The following FHIT variants were observed in gnomAD, a reference collection of about 807,000 sequenced individuals.
The protein encoded by FHIT is fragile histidine triad diadenosine triphosphatase.
A neutral mutation model predicts 17.9 loss-of-function variants in FHIT; 19 were observed. The ratio of observed to expected loss-of-function variants is 1.06; its 90% CI spans 0.74 to 1.56. The LOEUF (loss-of-function observed/expected upper bound fraction) is 1.56. FHIT is among the 40% of genes most tolerant of loss of function. FHIT has a pLI of 0.00. For synonymous variants in FHIT, 81 were observed against 69.7 expected, an observed-to-expected ratio of 1.16 and a Z score of -0.81; for missense variants, 248 against 189.2, an observed-to-expected ratio of 1.31 and a Z score of -1.82.
At chr3:60,605,268 A>C (rs2038573604) in intron 4 of FHIT, among the ~76,000 whole-genome samples, 1 of 152,176 alleles carries the variant, frequency 6.6e-6, no homozygotes, top group African/African-American at 2.4e-5. Context: ...AAATCACTGC[A>C]ATAAAAGTGA....
chr3:61,040,037 C>T (rs945116013), intron 3 of FHIT, among the ~76,000 whole-genome samples: 3 of 152,142 alleles, frequency 2.0e-5, no homozygotes, highest in African/African-American at 4.8e-5. Flanking sequence ...GGGTCTCAAT[C>T]ATGGTGAATA....
rs563536715 is a variant in FHIT at position 60,390,521 on chromosome 3, C to T, written c.103+146339G>A. Among the ~76,000 whole-genome samples the T allele has an allele frequency of 2.2e-4, 33 of 148,764 alleles. No individual in the cohort carries two copies. The South Asian group carries it at 5.1e-3, about 23-fold the overall frequency. The stretch of plus-strand genomic sequence containing the variant: ...ATAAAAGAGAAATAAAAATGTAAAA[C>T]GGCCTCAGGCAAGTCCTTCAGGAGT... On this transcript the variant is annotated intron_variant, in intron 5 of 9. Coordinates refer to ENST00000492590, the MANE Select transcript of FHIT (RefSeq NM_002012.4).
chr3:59,972,541 G>C (rs578043087), intron 7 of FHIT, among the ~76,000 whole-genome samples: 8 of 152,166 alleles, frequency 5.3e-5, no homozygotes, highest in African/African-American at 1.4e-4. Context: ...CATTCCTCCA[G>C]TGTCACCTGT....
chr3:60,411,131 TAGAACGATCTA>T (rs1029753030), intron 5 of FHIT, among the ~76,000 whole-genome samples: 12 of 152,170 alleles, frequency 7.9e-5, no homozygotes, highest in Non-Finnish European at 1.6e-4. Flanking sequence ...TGCACCATCA[TAGAACGATCTA>T]AGATTCAAGC....
chr3:60,712,823 T>G (rs560197233), intron 4 of FHIT, among the ~76,000 whole-genome samples: 104 of 142,136 alleles, frequency 7.3e-4, no homozygotes, highest in African/African-American at 2.4e-3. Context: ...CACACAATAA[T>G]AATGGGAGAC....
At chr3:60,512,117 AC>A (rs2107545500) in intron 5 of FHIT, among the ~76,000 whole-genome samples, 1 of 152,350 alleles carries the variant, frequency 6.6e-6, no homozygotes, top group East Asian at 1.9e-4. Flanking sequence ...AGAATCACCA[AC>A]AAATGCTAAA....
intron 2 of FHIT, among the ~76,000 whole-genome samples, chr3:61,130,651 G>A (rs1471744335): frequency 6.6e-6 from 1 of 152,178 alleles, no homozygotes; most frequent in Non-Finnish European, 1.5e-5. Flanking sequence ...ACGAACACAG[G>A]AGCATGCCAC....
intron 5 of FHIT, among the ~76,000 whole-genome samples, chr3:60,156,028 TG>T (rs1449731205): frequency 2.0e-5 from 3 of 152,184 alleles, no homozygotes; most frequent in Non-Finnish European, 2.9e-5. Context: ...AGATTGGAAC[TG>T]TTTCCTAGCT....
chr3:61,188,890 T>C (rs922744450), intron 2 of FHIT, among the ~76,000 whole-genome samples: 3 of 152,060 alleles, frequency 2.0e-5, no homozygotes, highest in Non-Finnish European at 4.4e-5. Flanking sequence ...CAACCCTTCA[T>C]GCTAAAAACT....
chr3:61,027,742 A>G (rs1200300334), intron 3 of FHIT, among the ~76,000 whole-genome samples: 1 of 152,226 alleles, frequency 6.6e-6, no homozygotes. Flanking sequence ...GCAAACATAG[A>G]CTGGCTATGG....
At chr3:60,943,318 A>C (rs1708498622) in intron 3 of FHIT, among the ~76,000 whole-genome samples, 1 of 151,920 alleles carries the variant, frequency 6.6e-6, no homozygotes, top group Non-Finnish European at 1.5e-5. Flanking sequence ...CTCAGGATTA[A>C]CTCTTCCTGG....
chr3:59,917,267 GC>G (rs1228682858), intron 8 of FHIT, among the ~76,000 whole-genome samples: 2 of 152,178 alleles, frequency 1.3e-5, no homozygotes, highest in Non-Finnish European at 2.9e-5. Flanking sequence ...ATTCCCACTT[GC>G]TTTAGTAATA....
intron 7 of FHIT, among the ~76,000 whole-genome samples, chr3:59,970,162 G>GT (rs1708111111): frequency 6.6e-6 from 1 of 152,076 alleles, no homozygotes; most frequent in Non-Finnish European, 1.5e-5. Flanking sequence ...TGAACAGATG[G>GT]TCTTTTCAAG....
At chr3:60,288,674 C>T (rs1707843815) in intron 5 of FHIT, among the ~76,000 whole-genome samples, 1 of 151,010 alleles carries the variant, frequency 6.6e-6, no homozygotes, top group Non-Finnish European at 1.5e-5. Context: ...AGTCTGTGTA[C>T]AACTTCCAAA....
intron 2 of FHIT, among the ~76,000 whole-genome samples, chr3:61,075,219 C>T (rs560273203): frequency 8.5e-5 from 13 of 152,228 alleles, no homozygotes; most frequent in Admixed American, 2.0e-4. Context: ...TCTGCATCAA[C>T]CTTGTGTCGC....
intron 5 of FHIT, among the ~76,000 whole-genome samples, chr3:60,345,146 A>T (rs11717293): frequency 0.15 from 22,529 of 152,194 alleles, 1,760 homozygotes; most frequent in Non-Finnish European, 0.16. Context: ...TGAACAAATT[A>T]CTAAGTGTGT....
chr3:59,945,622 T>G (rs1446166467), intron 7 of FHIT, among the ~76,000 whole-genome samples: 2 of 152,094 alleles, frequency 1.3e-5, no homozygotes, highest in African/African-American at 4.8e-5. Context: ...TGGTATTTCC[T>G]AAGTTATCTT....
chr3:61,239,762 C>CATATATATATATATATATATATAT (rs72107416), intron 1 of FHIT, among the ~76,000 whole-genome samples: 1,661 of 107,724 alleles, frequency 0.015, 63 homozygotes, highest in East Asian at 0.048. Context: ...AACAACTGGC[C>CATATATATATATATATATATATAT]ATATATATAT....
At chr3:60,628,862 A>T (rs1354204154) in intron 4 of FHIT, among the ~76,000 whole-genome samples, 1 of 152,178 alleles carries the variant, frequency 6.6e-6, no homozygotes, top group African/African-American at 2.4e-5. Context: ...CTGGAGCTCC[A>T]GAGCTGGCAG....
Sources: allele counts gnomAD v4.1 joint callset (sites outside exome capture counted in the v4.1 genomes callset), GRCh38; gene constraint gnomAD v4.1.1; transcripts MANE v1.5; gene names NCBI Gene and HGNC (gene_info 2026-07-23, HGNC 2026-07-21).